Variants in VRK3 observed in about 807,000 individuals in gnomAD.
The protein encoded by VRK3 is VRK serine/threonine kinase 3.
Under a neutral mutation model 60.4 loss-of-function variants are expected in VRK3, and 50 were observed. That is an observed-to-expected ratio of 0.83 (90% CI 0.66 to 1.05). The LOEUF (loss-of-function observed/expected upper bound fraction) is 1.05. VRK3 is among the 50% of genes least tolerant of loss of function. The pLI is 0.00. For synonymous variants in VRK3, 246 were observed against 227.8 expected, an observed-to-expected ratio of 1.08 and a Z score of -0.72; for missense variants, 549 against 585.3, an observed-to-expected ratio of 0.94 and a Z score of 0.64.
chr19:49,978,036 G>T (rs1411784876), intron 14 of VRK3, among the ~76,000 whole-genome samples: 1 of 152,168 alleles, frequency 6.6e-6, no homozygotes, highest in Non-Finnish European at 1.5e-5. Flanking sequence ...CGGGAGACAG[G>T]CCGTCAAAAG....
chr19:49,983,195 C>T (rs1181773020), intron 12 of VRK3, among the ~76,000 whole-genome samples: 2 of 152,046 alleles, frequency 1.3e-5, no homozygotes, highest in Non-Finnish European at 2.9e-5. Flanking sequence ...CTCCCCACTC[C>T]TTCCTCCCAT....
intron 1 of VRK3, chr19:50,024,894 A>C (rs1008628128): frequency 6.6e-6 from 1 of 152,260 alleles, no homozygotes; most frequent in African/African-American, 2.4e-5. Context: ...CACAGCAAAA[A>C]GGCTAAAAGT....
chr19:50,008,042 G>A (rs1411577625), intron 4 of VRK3, among the ~76,000 whole-genome samples: 1 of 152,170 alleles, frequency 6.6e-6, no homozygotes, highest in Non-Finnish European at 1.5e-5. Context: ...CCAGTTTGGT[G>A]GGCAAGTCTG....
chr19:50,012,610 T>G (rs1353925609), intron 3 of VRK3, among the ~76,000 whole-genome samples: 1 of 152,120 alleles, frequency 6.6e-6, no homozygotes, highest in Non-Finnish European at 1.5e-5. Context: ...GGTTAAGAAC[T>G]GACTCTGGCC....
chr19:50,014,946 G>A (rs1472824236), intron 3 of VRK3, among the ~76,000 whole-genome samples: 3 of 152,168 alleles, frequency 2.0e-5, no homozygotes. Flanking sequence ...CAGGGATGTG[G>A]GAGGTGCGGA....
intron 13 of VRK3, among the ~76,000 whole-genome samples, chr19:49,980,149 T>C (rs1433810330): frequency 6.6e-6 from 1 of 152,188 alleles, no homozygotes; most frequent in African/African-American, 2.4e-5. Context: ...TGTCCATTTC[T>C]GCCTCCAGCT....
At chr19:49,989,949 C>G (rs923237949) in intron 10 of VRK3, among the ~76,000 whole-genome samples, 178 bp from the exon 11 acceptor site, 1 of 152,170 alleles carries the variant, frequency 6.6e-6, no homozygotes, top group African/African-American at 2.4e-5. Flanking sequence ...AACCAGCCAT[C>G]CATATTTCCT....
At chr19:50,015,678 A>T (rs2122584809) in intron 3 of VRK3, 1 of 236,242 alleles carries the variant, frequency 4.2e-6, no homozygotes, top group East Asian at 8.2e-5. Flanking sequence ...ATCTGAAAAA[A>T]TCCAAAATCA....
Position 49,980,968 on chromosome 19 carries a change from C to G in VRK3, c.1263G>C (p.Trp421Cys), listed in dbSNP as rs754571996. 4 of 1,611,262 alleles carry G rather than the reference C, an allele frequency of 2.5e-6. No homozygotes were observed. Among genetic ancestry groups the G allele is most frequent in the Middle Eastern group, 1.7e-4 (1 of 6,056 alleles). Residue 421 changes from tryptophan (W) to cysteine (C), a missense_variant, in exon 13 of 15, where the codon TGG becomes TGC. Coordinates refer to ENST00000316763, the MANE Select transcript of VRK3 (RefSeq NM_016440.4). ...TTCAGGACGTACCTGAGGGCCTGATCCAGTGACCGCAGGGTCCCACGAAGG... is the reference window on the plus strand; with the variant it reads ...TTCAGGACGTACCTGAGGGCCTGATGCAGTGACCGCAGGGTCCCACGAAGG... ...PGPFVGPCGH[W>C]IRPSETLQKY...
At position 49,989,746 on chromosome 19, in the gene VRK3, G is replaced by A; in HGVS notation, c.989C>T (p.Ala330Val). 7 of 1,612,620 alleles carry A rather than the reference G, an allele frequency of 4.3e-6. No homozygotes were observed. The highest frequency in any genetic ancestry group is 5.1e-6 in the Non-Finnish European group (6 of 1,179,326). ...SQVTLAGYGF[A>V]FRYCPSGKHV... ...TTTGCCACTTGGGCAATAGCGGAAG[G>A]CGAAGCCATAGCCTGCCAAAGTCAC... is the stretch of plus-strand genomic sequence containing the variant. Residue 330 changes from alanine (A) to valine (V), a missense_variant, in exon 11 of 15, where the codon GCC becomes GTC. Physicochemically the swap from Ala to Val is moderately conservative, Grantham distance 64. Coordinates refer to ENST00000316763, the MANE Select transcript of VRK3 (RefSeq NM_016440.4).
chr19:50,009,936 T>C (rs2076965322), intron 3 of VRK3, among the ~76,000 whole-genome samples: 1 of 152,088 alleles, frequency 6.6e-6, no homozygotes, highest in South Asian at 2.1e-4. Flanking sequence ...CCACCATGCC[T>C]GGCCTCTTCC....
intron 14 of VRK3, among the ~76,000 whole-genome samples, chr19:49,977,360 C>G (rs1457648277): frequency 6.6e-6 from 1 of 152,068 alleles, no homozygotes; most frequent in Non-Finnish European, 1.5e-5. Context: ...TCGTTATGTT[C>G]CCAACCAAGG....
intron 5 of VRK3, among the ~76,000 whole-genome samples, chr19:50,004,198 T>C (rs2076856374): frequency 6.6e-6 from 1 of 152,188 alleles, no homozygotes; most frequent in Non-Finnish European, 1.5e-5. Context: ...TGTGGGTTTC[T>C]GGGGGAGGTC....
intron 5 of VRK3, among the ~76,000 whole-genome samples, chr19:50,007,101 C>T (rs1305845051): frequency 6.6e-6 from 1 of 152,238 alleles, no homozygotes; most frequent in African/African-American, 2.4e-5. Flanking sequence ...GCCTGCTCTC[C>T]ACAGAGACCC....
intron 2 of VRK3, among the ~76,000 whole-genome samples, chr19:50,018,184 C>T (rs992797329): frequency 1.3e-5 from 2 of 152,170 alleles, no homozygotes; most frequent in African/African-American, 2.4e-5. Flanking sequence ...ATAGAATGGT[C>T]GATGAGGTCT....
chr19:50,012,894 G>A (rs1430170409), intron 3 of VRK3, among the ~76,000 whole-genome samples: 1 of 150,650 alleles, frequency 6.6e-6, no homozygotes. Context: ...AAGGCCGGGC[G>A]CAGTGGCTCA....
chr19:50,012,104 T>C (rs2077004390), intron 3 of VRK3, among the ~76,000 whole-genome samples: 2 of 152,158 alleles, frequency 1.3e-5, no homozygotes, highest in African/African-American at 4.8e-5. Flanking sequence ...CCCGAGTAGC[T>C]GGGATTACAG....
At chr19:50,000,884 T>C (rs778469388) in intron 5 of VRK3, 30 bp from the exon 6 acceptor site, 3 of 1,605,406 alleles carry the variant, frequency 1.9e-6, no homozygotes, top group Non-Finnish European at 2.6e-6. Flanking sequence ...GGAGTGAGGT[T>C]ATAACCACGC....
chr19:50,011,654 A>AGCGTGTAGTTAAAACCAAACTCCCTC (rs1355021619), intron 3 of VRK3, among the ~76,000 whole-genome samples: 1 of 151,096 alleles, frequency 6.6e-6, no homozygotes, highest in Non-Finnish European at 1.5e-5. Context: ...TCACTCCTCC[A>AGCGTGTAGTTAAAACCAAACTCCCTC]GCGTGTAGTT....
Sources: gnomAD v4.1 joint callset for allele counts (sites outside exome capture counted in the v4.1 genomes callset) on GRCh38, gnomAD v4.1.1 for gene constraint, MANE v1.5 for transcripts, NCBI Gene and HGNC (gene_info 2026-07-23, HGNC 2026-07-21) for gene names.